ATP8B4: variants seen among roughly 807,000 people sequenced by gnomAD.
The protein encoded by ATP8B4 is probable phospholipid-transporting ATPase IM.
A neutral mutation model predicts 145.6 loss-of-function variants in ATP8B4; 133 were observed. The observed-to-expected ratio is 0.91, with a 90% CI of 0.79 to 1.05. The LOEUF is 1.05. ATP8B4 is among the 50% of genes least tolerant of loss of function. The pLI is 0.00. For missense variants in ATP8B4, 1,458 were observed against 1,425.2 expected (o/e 1.02, Z -0.37); for synonymous variants, 507 against 492.9 (o/e 1.03, Z -0.38).
chr15:50,100,635 T>C (rs1055702463), intron 2 of ATP8B4, among the ~76,000 whole-genome samples: 2 of 152,172 alleles, frequency 1.3e-5, no homozygotes, highest in African/African-American at 4.8e-5. Context: ...TCTAAAGATG[T>C]GTCAGTCCCA....
intron 1 of ATP8B4, among the ~76,000 whole-genome samples, chr15:50,115,040 G>A (rs538683268): frequency 5.9e-5 from 9 of 152,324 alleles, no homozygotes; most frequent in East Asian, 3.9e-4. Flanking sequence ...CATTCGAATC[G>A]TGAGTGTAGG....
At chr15:49,901,765 G>C (rs762881130) in intron 20 of ATP8B4, 1 of 400,740 alleles carries the variant, frequency 2.5e-6, no homozygotes, top group South Asian at 1.9e-5. Flanking sequence ...AATTTAACAA[G>C]AAGAAAAATG....
At chr15:49,861,608 C>A (rs571555127) in intron 27 of ATP8B4, among the ~76,000 whole-genome samples, 1 of 152,242 alleles carries the variant, frequency 6.6e-6, no homozygotes, top group African/African-American at 2.4e-5. Context: ...CCTTTTCACG[C>A]TTTATCTGAG....
At chr15:50,045,924 G>A (rs1209058466) in intron 4 of ATP8B4, among the ~76,000 whole-genome samples, 1 of 152,180 alleles carries the variant, frequency 6.6e-6, no homozygotes, top group East Asian at 1.9e-4. Context: ...GGAGAGGTGG[G>A]GGGAAGAAAT....
At chr15:50,105,075 T>C (rs1030241439) in intron 2 of ATP8B4, among the ~76,000 whole-genome samples, 1 of 151,970 alleles carries the variant, frequency 6.6e-6, no homozygotes, top group Non-Finnish European at 1.5e-5. Context: ...ATAAGAATGA[T>C]ACAATGGATT....
chr15:49,941,240 G>A (rs2042141716), intron 14 of ATP8B4, among the ~76,000 whole-genome samples: 1 of 152,164 alleles, frequency 6.6e-6, no homozygotes, highest in Admixed American at 6.5e-5. Context: ...TACTATAATA[G>A]TAAAGGGTGT....
intron 1 of ATP8B4, among the ~76,000 whole-genome samples, chr15:50,152,627 G>T (rs10744955): frequency 6.6e-6 from 1 of 151,918 alleles, no homozygotes; most frequent in Admixed American, 6.6e-5. Flanking sequence ...TTTAATCCTG[G>T]GAAAGTCTGT....
intron 8 of ATP8B4, among the ~76,000 whole-genome samples, chr15:49,997,153 T>C (rs1440248718): frequency 6.6e-6 from 1 of 152,112 alleles, no homozygotes; most frequent in East Asian, 1.9e-4. Flanking sequence ...ATAGGAGTTT[T>C]ACTTGCAAAA....
chr15:50,016,704 T>C (rs2049117176), intron 6 of ATP8B4, among the ~76,000 whole-genome samples: 1 of 151,780 alleles, frequency 6.6e-6, no homozygotes, highest in Non-Finnish European at 1.5e-5. Flanking sequence ...AAAGGAGGAG[T>C]GTCCTTAAGG....
At chr15:49,902,885 T>C (rs2153434395) in intron 20 of ATP8B4, among the ~76,000 whole-genome samples, 1 of 152,362 alleles carries the variant, frequency 6.6e-6, no homozygotes, top group African/African-American at 2.4e-5. Flanking sequence ...GTACTCCTTT[T>C]GAGTAAAGTT....
chr15:50,050,746 T>C (rs941664467), intron 3 of ATP8B4, among the ~76,000 whole-genome samples: 3 of 151,772 alleles, frequency 2.0e-5, no homozygotes, highest in African/African-American at 7.2e-5. Flanking sequence ...ATGTTTTATA[T>C]AAAACATATT....
Position 50,145,267 on chromosome 15 carries a change from T to C in ATP8B4, c.-43+36994A>G, listed in dbSNP as rs565597272. 1.4e-3 allele frequency among the ~76,000 whole-genome samples: 218 copies of C among 152,320 alleles called. 1 individual carries two copies. The highest frequency in any genetic ancestry group is 2.8e-3 in the Non-Finnish European group (189 of 68,020). On this transcript the variant is annotated intron_variant, in intron 1 of 3. Coordinates refer to the ATP8B4 transcript ENST00000558829. ...GGGCATAAAAATACATTTTACTGAA[T>C]CTTAAGGGTTTTTTAACATTTGCTG...
At chr15:49,886,771 T>C (rs899019450) in intron 23 of ATP8B4, among the ~76,000 whole-genome samples, 1 of 152,212 alleles carries the variant, frequency 6.6e-6, no homozygotes, top group African/African-American at 2.4e-5. Context: ...TAGCACAGTT[T>C]AGACTTCAGG....
At chr15:50,161,451 C>A (rs1217929306) in intron 1 of ATP8B4, among the ~76,000 whole-genome samples, 1 of 151,930 alleles carries the variant, frequency 6.6e-6, no homozygotes, top group East Asian at 1.9e-4. Context: ...TTCCTTCCTT[C>A]TTGTCTTCCT....
intron 1 of ATP8B4, among the ~76,000 whole-genome samples, chr15:50,170,497 C>CG (rs897428362): frequency 1.4e-5 from 2 of 144,410 alleles, no homozygotes; most frequent in Non-Finnish European, 1.5e-5. Context: ...ATTACCAAAC[C>CG]CCCCCCACCC....
In ATP8B4 at chr15:49,956,419, A is replaced by AT. The variant is rs150869036; in HGVS notation, c.1287+5557dup. Among the ~76,000 whole-genome samples, 935 of 152,276 alleles carry AT rather than the reference A, an allele frequency of 6.1e-3. 11 individuals are homozygous for AT. The highest frequency in any genetic ancestry group is 0.022 in the African/African-American group (896 of 41,558). On this transcript the variant is annotated intron_variant, in intron 14 of 27. Coordinates refer to ENST00000284509, the MANE Select transcript of ATP8B4 (RefSeq NM_024837.4). ...AATATTTAAAATAAGTGTATATATT[A>AT]TTATATGACTAGTAAGTTCTAAAAT...
At chr15:49,983,088 T>A (rs1599614693) in intron 10 of ATP8B4, among the ~76,000 whole-genome samples, 1 of 152,314 alleles carries the variant, frequency 6.6e-6, no homozygotes, top group East Asian at 1.9e-4. Flanking sequence ...GGTCACCTTA[T>A]CTTCTTACTC....
chr15:49,865,452 A>G (rs1026565667), intron 26 of ATP8B4, among the ~76,000 whole-genome samples: 1 of 152,166 alleles, frequency 6.6e-6, no homozygotes, highest in African/African-American at 2.4e-5. Flanking sequence ...GGTTGGGGGG[A>G]AACCCCAATT....
intron 20 of ATP8B4, among the ~76,000 whole-genome samples, chr15:49,913,213 C>A (rs1309763329): frequency 1.3e-5 from 2 of 151,624 alleles, no homozygotes; most frequent in African/African-American, 2.4e-5. Flanking sequence ...CCCAGGAATG[C>A]AAGCATGGTT....
Sources: allele counts gnomAD v4.1 joint callset (sites outside exome capture counted in the v4.1 genomes callset), GRCh38; gene constraint gnomAD v4.1.1; transcripts MANE v1.5; gene names NCBI Gene and HGNC (gene_info 2026-07-23, HGNC 2026-07-21).